MAD1L1: variants seen among roughly 807,000 people sequenced by gnomAD.
MAD1L1 encodes the protein mitotic spindle assembly checkpoint protein MAD1.
MAD1L1 carries 95 observed loss-of-function variants against 96.9 expected under a neutral mutation model. That is an observed-to-expected ratio of 0.98 (90% confidence interval 0.83 to 1.16). The LOEUF (loss-of-function observed/expected upper bound fraction) is 1.16, where lower values mean the gene tolerates loss of function less well. Among genes scored for constraint, MAD1L1 ranks in the 50% most tolerant of loss-of-function variants. The pLI, the probability that MAD1L1 is intolerant of heterozygous loss-of-function variation, is 0.00. For missense variants in MAD1L1, 1,007 were observed against 954.4 expected (o/e 1.06, Z -0.73); for synonymous variants, 473 against 396.6 (o/e 1.19, Z -2.29).
chr7:2,196,792 A>G (rs530897574), intron 10 of MAD1L1, among the ~76,000 whole-genome samples: 14 of 152,328 alleles, frequency 9.2e-5, no homozygotes, highest in African/African-American at 2.9e-4. Flanking sequence ...TCACAGGAAC[A>G]GTGCGGCTCA....
chr7:2,163,041 A>G (rs1790243866), intron 10 of MAD1L1, among the ~76,000 whole-genome samples: 1 of 152,162 alleles, frequency 6.6e-6, no homozygotes, highest in South Asian at 2.1e-4. Context: ...TTCCTTTGGG[A>G]CTTTCCAAAG....
chr7:1,997,893 G>A (rs558774520), intron 14 of MAD1L1, among the ~76,000 whole-genome samples: 1 of 152,214 alleles, frequency 6.6e-6, no homozygotes, highest in South Asian at 2.1e-4. Context: ...CGGGAGCCCT[G>A]CGGCTCCAAA....
At chr7:1,990,076 C>T (rs891488551) in intron 14 of MAD1L1, among the ~76,000 whole-genome samples, 9 of 152,242 alleles carry the variant, frequency 5.9e-5, no homozygotes, top group Non-Finnish European at 7.3e-5. Flanking sequence ...ACGAGGCTGC[C>T]GCTGAGTGCC....
At chr7:2,179,413 A>C (rs1227935127) in intron 10 of MAD1L1, among the ~76,000 whole-genome samples, 1 of 152,086 alleles carries the variant, frequency 6.6e-6, no homozygotes, top group Non-Finnish European at 1.5e-5. Context: ...CTGTAATCCC[A>C]GCCACTCAGG....
intron 13 of MAD1L1, among the ~76,000 whole-genome samples, chr7:2,005,119 G>A (rs995442038): frequency 1.8e-4 from 28 of 152,148 alleles, no homozygotes; most frequent in Non-Finnish European, 4.0e-4. Context: ...CGGCTCACAC[G>A]CAGGGCCCTG....
At chr7:1,887,306 T>C (rs1404426411) in intron 18 of MAD1L1, among the ~76,000 whole-genome samples, 1 of 150,998 alleles carries the variant, frequency 6.6e-6, no homozygotes, top group African/African-American at 2.4e-5. Context: ...TGTGTGGGCA[T>C]GTGTGTGCAT....
chr7:2,115,313 C>A (rs1255953776), intron 11 of MAD1L1, among the ~76,000 whole-genome samples: 4 of 146,998 alleles, frequency 2.7e-5, no homozygotes, highest in African/African-American at 1.0e-4. Context: ...TCAGAGGAGG[C>A]TGGACAGGGT....
chr7:2,194,149 G>T (rs1791872526), intron 10 of MAD1L1, among the ~76,000 whole-genome samples: 1 of 151,888 alleles, frequency 6.6e-6, no homozygotes, highest in Admixed American at 6.6e-5. Context: ...CAGAGATGAG[G>T]TCTCACTATG....
chr7:1,933,407 C>T (rs1789593700), intron 17 of MAD1L1, among the ~76,000 whole-genome samples: 1 of 152,184 alleles, frequency 6.6e-6, no homozygotes, highest in African/African-American at 2.4e-5. Flanking sequence ...TTCTGCAGGG[C>T]ACGTGGCGGG....
intron 17 of MAD1L1, among the ~76,000 whole-genome samples, chr7:1,923,105 G>T (rs906187587): frequency 3.3e-5 from 5 of 152,292 alleles, no homozygotes; most frequent in Middle Eastern, 3.4e-3. Context: ...TTCTTTAAGT[G>T]TTTGGTAGAA....
intron 12 of MAD1L1, among the ~76,000 whole-genome samples, chr7:2,061,707 T>A (rs1784668221): frequency 6.6e-6 from 1 of 152,242 alleles, no homozygotes; most frequent in African/African-American, 2.4e-5. Context: ...CATACACGTG[T>A]TAAAACGTCC....
intron 18 of MAD1L1, among the ~76,000 whole-genome samples, chr7:1,876,165 T>C (rs1467309765): frequency 1.3e-5 from 2 of 152,122 alleles, no homozygotes; most frequent in Non-Finnish European, 2.9e-5. Context: ...CTTGGCTCCA[T>C]AGATCTCTGT....
rs187527955 is a variant in MAD1L1, at chr7:1,910,157, C to A, written c.1808-11767G>T. Among the ~76,000 whole-genome samples, 350 of 152,280 alleles carry A rather than the reference C, an allele frequency of 2.3e-3. 1 individual carries two copies. The highest frequency in any genetic ancestry group is 8.0e-3 in the African/African-American group (332 of 41,556). On this transcript the variant is annotated intron_variant, in intron 17 of 18. Coordinates refer to ENST00000265854, the MANE Select transcript of MAD1L1 (RefSeq NM_001013836.2). ...TCCTCCCCCAGCACCGAGAACACAG[C>A]AGCTGAACCCCAAGGGACAGCCCCC...
At chr7:2,154,234 C>T (rs2128583407) in intron 10 of MAD1L1, among the ~76,000 whole-genome samples, 1 of 152,266 alleles carries the variant, frequency 6.6e-6, no homozygotes, top group Non-Finnish European at 1.5e-5. Flanking sequence ...GTGAAACCAC[C>T]AGGAACAGAA....
chr7:1,896,989 T>A (rs1786916231), intron 18 of MAD1L1, among the ~76,000 whole-genome samples: 1 of 152,234 alleles, frequency 6.6e-6, no homozygotes, highest in Admixed American at 6.5e-5. Context: ...CTTAAAGACT[T>A]GGTGTGTTTT....
intron 10 of MAD1L1, among the ~76,000 whole-genome samples, chr7:2,178,629 GCTCACGC>G (rs1274894439): frequency 1.3e-5 from 2 of 152,228 alleles, no homozygotes; most frequent in African/African-American, 4.8e-5. Context: ...GGGCACGATG[GCTCACGC>G]CTGTAATCCT....
chr7:1,936,759 C>T lies in MAD1L1; in HGVS notation c.1735G>A (p.Glu579Lys), dbSNP rs1429327984. The change falls in exon 17 of 19, where the codon GAG (glutamate) becomes AAG (lysine). Residue 579 changes from glutamate (E) to lysine (K), a missense_variant. By Grantham distance (56) the Glu-to-Lys change is moderately conservative. Transcript: ENST00000265854. ...TCGGCTGGGACGGTGCCTCCTCTCT[C>T]CATGGCGCGCAGGAGCCCGCGCAGT... is the stretch of plus-strand genomic sequence containing the variant. ...ERLRGLLRAMERGGTVPADLE... is the reference protein window; with the variant it reads ...ERLRGLLRAMKRGGTVPADLE... 2 of 1,570,810 alleles carry T rather than the reference C, an allele frequency of 1.3e-6. No homozygotes were observed. Among genetic ancestry groups the T allele is most frequent in the South Asian group, 1.2e-5 (1 of 85,746 alleles).
intron 16 of MAD1L1, among the ~76,000 whole-genome samples, chr7:1,948,249 A>T (rs1299380345): frequency 6.6e-6 from 1 of 152,128 alleles, no homozygotes; most frequent in Admixed American, 6.5e-5. Context: ...CAAGGCGTCC[A>T]CGGCAAAGCC....
rs139980123 is a variant in MAD1L1 at position 2,052,304 on chromosome 7, C to T, written c.1218+16890G>A. Among the ~76,000 whole-genome samples, 439 of 152,348 alleles carry T rather than the reference C, an allele frequency of 2.9e-3. 1 individual carries two copies. The highest frequency in any genetic ancestry group is 5.5e-3 in the Admixed American group (84 of 15,314). On this transcript the variant is annotated intron_variant, in intron 12 of 18. Coordinates refer to ENST00000265854, the MANE Select transcript of MAD1L1 (RefSeq NM_001013836.2). ...GTGAGCAACAGAGCACAGGCAGCGG[C>T]GTAGTAGGAGCCCCAGGCCTGCCGC...
Sources: gnomAD v4.1 joint callset for allele counts (sites outside exome capture counted in the v4.1 genomes callset) on GRCh38, gnomAD v4.1.1 for gene constraint, MANE v1.5 for transcripts, NCBI Gene and HGNC (gene_info 2026-07-23, HGNC 2026-07-21) for gene names.